Variants in CACNG4 observed in about 807,000 individuals in gnomAD.
The protein encoded by CACNG4 is calcium voltage-gated channel auxiliary subunit gamma 4, also known as voltage-dependent calcium channel gamma-4 subunit.
In CACNG4, 8 loss-of-function variants were observed where a neutral mutation model predicts 22.9. The observed-to-expected ratio is 0.35, with a 90% CI of 0.21 to 0.63. The LOEUF (loss-of-function observed/expected upper bound fraction) is 0.63. CACNG4 is among the 30% of genes least tolerant of loss of function. The probability of loss-of-function intolerance (pLI) is 0.72; values close to 1 mark genes in which losing one functional copy is unlikely to be tolerated. For synonymous variants in CACNG4, 188 were observed against 191.9 expected, an observed-to-expected ratio of 0.98 and a Z score of 0.17; for missense variants, 357 against 455.4, an observed-to-expected ratio of 0.78 and a Z score of 1.97.
intron 1 of CACNG4, among the ~76,000 whole-genome samples, chr17:67,004,490 G>A (rs141073959): frequency 1.5e-3 from 223 of 152,214 alleles, no homozygotes; most frequent in African/African-American, 5.0e-3. Context: ...CCTCATCCCC[G>A]ATACAACATC....
intron 1 of CACNG4, among the ~76,000 whole-genome samples, chr17:67,005,196 C>T (rs561286210): frequency 1.4e-4 from 21 of 152,332 alleles, no homozygotes; most frequent in African/African-American, 4.6e-4. Flanking sequence ...TGGGTCTCCT[C>T]TGTCTCTGAT....
chr17:66,996,276 G>T (rs556724446), intron 1 of CACNG4, among the ~76,000 whole-genome samples: 1 of 151,670 alleles, frequency 6.6e-6, no homozygotes, highest in Admixed American at 6.6e-5. Flanking sequence ...CCTTTTGCAC[G>T]CAGACACAGA....
chr17:67,031,113 C>A lies in CACNG4; in HGVS notation c.*109C>A. The A allele has an allele frequency of 1.6e-6, 2 of 1,246,754 alleles. No individual in the cohort carries two copies. The highest frequency in any genetic ancestry group is 2.2e-6 in the Non-Finnish European group (2 of 893,506). 77.2% of individuals were successfully genotyped at this position (1,246,754 alleles called of 1,614,324 possible). On this transcript the variant is annotated 3_prime_UTR_variant, in exon 4 of 4. Transcript: ENST00000262138. The surrounding 1 kb of genome is among the most constrained non-coding windows in gnomAD (Gnocchi z 4.0). ...ACGAACAATGAACTAAAGCCAAATG[C>A]AGCCCTCCCTGGCCTCCAGAGGTGG...
chr17:66,969,983 G>A (rs1261744639), intron 1 of CACNG4, among the ~76,000 whole-genome samples: 3 of 152,154 alleles, frequency 2.0e-5, no homozygotes, highest in Admixed American at 6.5e-5. Flanking sequence ...CTTCCCTGAC[G>A]CGCTAAGTAC....
At chr17:66,993,833 C>T (rs1378601969) in intron 1 of CACNG4, among the ~76,000 whole-genome samples, 1 of 152,070 alleles carries the variant, frequency 6.6e-6, no homozygotes, top group East Asian at 1.9e-4. Flanking sequence ...ATTGGCCAGG[C>T]TGGTCTCAAA....
At chr17:67,015,212 G>T (rs148095731) in intron 1 of CACNG4, among the ~76,000 whole-genome samples, 1 of 152,210 alleles carries the variant, frequency 6.6e-6, no homozygotes, top group Admixed American at 6.5e-5. Flanking sequence ...GCAAACTACC[G>T]ATACGCATGA....
At chr17:66,981,219 T>C (rs1022494692) in intron 1 of CACNG4, among the ~76,000 whole-genome samples, 3 of 152,224 alleles carry the variant, frequency 2.0e-5, no homozygotes, top group Non-Finnish European at 4.4e-5. Flanking sequence ...CGAGGGAATA[T>C]GGAAGGAGAT....
At chr17:66,967,779 G>T (rs535987350) in intron 1 of CACNG4, among the ~76,000 whole-genome samples, 1 of 152,348 alleles carries the variant, frequency 6.6e-6, no homozygotes, top group African/African-American at 2.4e-5. Flanking sequence ...TGAAGGGTTT[G>T]CTGGCAACTG....
At chr17:67,026,868 G>A (rs1397945891) in intron 3 of CACNG4, among the ~76,000 whole-genome samples, 1 of 151,744 alleles carries the variant, frequency 6.6e-6, no homozygotes, top group Non-Finnish European at 1.5e-5. Context: ...TCCTGGACAG[G>A]TCCCCCCGCC....
chr17:66,988,043 G>C (rs2035314828), intron 1 of CACNG4, among the ~76,000 whole-genome samples: 1 of 144,974 alleles, frequency 6.9e-6, no homozygotes. Flanking sequence ...TTTTGTGTGT[G>C]TGTGTGTGTG....
intron 2 of CACNG4, among the ~76,000 whole-genome samples, chr17:67,023,208 G>A (rs924681911): frequency 3.3e-5 from 5 of 151,480 alleles, no homozygotes; most frequent in Admixed American, 6.6e-5. Flanking sequence ...AGGGCCCACC[G>A]GATTCATCCT....
At chr17:66,999,220 C>G (rs765987917) in intron 1 of CACNG4, among the ~76,000 whole-genome samples, 1 of 152,114 alleles carries the variant, frequency 6.6e-6, no homozygotes, top group Non-Finnish European at 1.5e-5. Context: ...GTACATAGAA[C>G]GGCGATGACC....
chr17:67,025,379 CTG>C (rs2035557719), intron 3 of CACNG4, among the ~76,000 whole-genome samples: 2 of 152,346 alleles, frequency 1.3e-5, no homozygotes, highest in African/African-American at 2.4e-5. Flanking sequence ...TTTTACAAGC[CTG>C]TGACAGGAGC....
intron 1 of CACNG4, among the ~76,000 whole-genome samples, chr17:67,012,219 G>A (rs1216830381): frequency 2.0e-5 from 3 of 152,222 alleles, no homozygotes; most frequent in African/African-American, 7.2e-5. Context: ...CTGTCAAATG[G>A]AGCAGAGAAG....
At chr17:67,010,330 G>T (rs1045787706) in intron 1 of CACNG4, among the ~76,000 whole-genome samples, 6 of 152,180 alleles carry the variant, frequency 3.9e-5, no homozygotes, top group Non-Finnish European at 5.9e-5. Flanking sequence ...ATCCTAAGGA[G>T]TGTTGGGGAC....
intron 3 of CACNG4, among the ~76,000 whole-genome samples, chr17:67,026,424 G>A (rs1358777139): frequency 6.7e-6 from 1 of 148,932 alleles, no homozygotes; most frequent in Non-Finnish European, 1.5e-5. Flanking sequence ...GTGTGAGCAT[G>A]GTGTGTGTGT....
At chr17:67,006,092 C>T (rs2035435787) in intron 1 of CACNG4, among the ~76,000 whole-genome samples, 1 of 152,260 alleles carries the variant, frequency 6.6e-6, no homozygotes, top group Non-Finnish European at 1.5e-5. Context: ...GAAATGTGTC[C>T]CTTTTCACAA....
At chr17:67,028,660 C>A (rs1374846861) in intron 3 of CACNG4, among the ~76,000 whole-genome samples, 3 of 152,188 alleles carry the variant, frequency 2.0e-5, no homozygotes, top group Non-Finnish European at 4.4e-5. Flanking sequence ...TATATCAGCT[C>A]ATTTAATCCT....
chr17:67,027,793 C>T lies in CACNG4; in HGVS notation c.446-2673C>T, dbSNP rs1326888778. 4.0e-5 allele frequency among the ~76,000 whole-genome samples: 6 copies of T among 151,898 alleles called. No individual in the cohort carries two copies. The highest frequency in any genetic ancestry group is 7.4e-5 in the Non-Finnish European group (5 of 67,972). ...CAGCATTTTGGGAGGCCGAGGCAGG[C>T]GGATCACTGGAGGTCAGGAGTTCGA... On this transcript the variant is annotated intron_variant, in intron 3 of 3. Transcript: ENST00000262138. The surrounding 1 kb of genome is among the most constrained non-coding windows in gnomAD (Gnocchi z 4.3).
Sources: allele counts gnomAD v4.1 joint callset (sites outside exome capture counted in the v4.1 genomes callset), GRCh38; gene constraint gnomAD v4.1.1; non-coding constraint Gnocchi (gnomAD v3.1); transcripts MANE v1.5; gene names NCBI Gene and HGNC (gene_info 2026-07-23, HGNC 2026-07-21).